Variants in CATSPERZ observed in about 807,000 individuals in gnomAD.
CATSPERZ encodes the protein catsper channel auxiliary subunit zeta.
In CATSPERZ, 21 loss-of-function variants were observed where a neutral mutation model predicts 21.7. The ratio of observed to expected loss-of-function variants is 0.97; its 90% confidence interval spans 0.69 to 1.39. The LOEUF is 1.39. Ranked by LOEUF, CATSPERZ falls within the 40% of genes most tolerant of loss-of-function variation. CATSPERZ has a pLI of 0.00. For synonymous variants in CATSPERZ, 127 were observed against 108.7 expected (o/e 1.17, Z -1.05); for missense variants, 234 against 259.5 (o/e 0.90, Z 0.68).
In CATSPERZ at chr11:64,300,957, GAGA is replaced by G. The variant is rs1387533487; in HGVS notation, c.325_327del (p.Lys109del). 3.2e-6 allele frequency: 5 copies of G among 1,573,844 alleles called. No homozygotes were observed. Among genetic ancestry groups the G allele is most frequent in the South Asian group, 2.3e-5 (2 of 85,468 alleles). On this transcript the variant is annotated inframe_deletion, in exon 2 of 5. Transcript: ENST00000328404. ...CAGCTCCATGGAAATCAATCTGGGGGAGAAGGACACTGCATCCCAGATCGAGGC... is the reference window on the plus strand; with the variant it reads ...CAGCTCCATGGAAATCAATCTGGGGGAGGACACTGCATCCCAGATCGAGGC...
Position 64,304,670 on chromosome 11 carries a change from G to C in CATSPERZ, c.*24G>C. The C allele has an allele frequency of 6.4e-7, 1 of 1,550,832 alleles. No homozygotes were observed. The highest frequency in any genetic ancestry group is 2.4e-5 in the East Asian group (1 of 41,172). Reference sequence around the variant, plus strand: ...AAAAACGCCACCTTGGGCTCGAGCAGCGACCCGAACCAGCCCCGTGCCAGC... The same window carrying C: ...AAAAACGCCACCTTGGGCTCGAGCACCGACCCGAACCAGCCCCGTGCCAGC... On this transcript the variant is annotated 3_prime_UTR_variant, in exon 5 of 5. Transcript: ENST00000328404.
At chr11:64,303,639 T>A in intron 3 of CATSPERZ, 78 bp downstream of exon 3, 2 of 967,682 alleles carry the variant, frequency 2.1e-6, no homozygotes. Flanking sequence ...ATATGAAAGT[T>A]GGGGGTGGTT....
At chr11:64,301,401 C>CTTTTTT (rs139500689) in intron 2 of CATSPERZ, among the ~76,000 whole-genome samples, 4 of 99,550 alleles carry the variant, frequency 4.0e-5, no homozygotes, top group Admixed American at 2.5e-4. Context: ...CCGCCTCCCA[C>CTTTTTT]TTTTTTTTTT....
At position 64,303,857 on chromosome 11, in the gene CATSPERZ, C is replaced by T; in HGVS notation, c.499+18C>T. On this transcript the variant is annotated intron_variant, in intron 4 of 4. Coordinates refer to ENST00000328404, the MANE Select transcript of CATSPERZ (RefSeq NM_001039496.2). The stretch of plus-strand genomic sequence containing the variant: ...CCTCCGGAGTAAGCTCCCCGCCAAC[C>T]CCCAAGAACTCCCACGACAGATTCT... 6.3e-7 allele frequency: 1 copy of T among 1,588,218 alleles called. No individual in the cohort carries two copies. Among genetic ancestry groups the T allele is most frequent in the South Asian group, 1.2e-5 (1 of 86,888 alleles).
Position 64,304,566 on chromosome 11 carries a change from G to A in CATSPERZ, c.523G>A (p.Asp175Asn). Residue 175 changes from aspartate to asparagine, a missense_variant, in exon 5 of 5, where the codon GAC (aspartate) becomes AAC (asparagine). Asp to Asn is a conservative substitution (Grantham distance 23). Coordinates refer to ENST00000328404, the MANE Select transcript of CATSPERZ (RefSeq NM_001039496.2). The part of the protein sequence containing the change: ...LRSYQLGIGR[D>N]HFLTKELQRY... ...AGGCTACCAGTTAGGGATCGGCAGG[G>A]ACCACTTCCTGACTAAGGAGCTGCA... The A allele has an allele frequency of 1.3e-6, 2 of 1,587,634 alleles. No homozygotes were observed. The highest frequency in any genetic ancestry group is 1.7e-6 in the Non-Finnish European group (2 of 1,167,926).
chr11:64,304,490 G>T, intron 4 of CATSPERZ, 53 bp from the exon 5 acceptor site: 2 of 1,424,336 alleles, frequency 1.4e-6, no homozygotes. Flanking sequence ...CCCCCTGGTG[G>T]GGAGACCTTT....
At chr11:64,302,897 TTTTTTTTTTAG>T (rs2034950083) in intron 2 of CATSPERZ, among the ~76,000 whole-genome samples, 1 of 146,468 alleles carries the variant, frequency 6.8e-6, no homozygotes, top group Admixed American at 6.9e-5. Flanking sequence ...TTTTTTTTTT[TTTTTTTTTTAG>T]TTTTTTTTTG....
At chr11:64,301,396 T>G (rs995864457) in intron 2 of CATSPERZ, among the ~76,000 whole-genome samples, 3 of 131,628 alleles carry the variant, frequency 2.3e-5, no homozygotes, top group Non-Finnish European at 4.8e-5. Context: ...TCCTCCCGCC[T>G]CCCACTTTTT....
chr11:64,303,417 T>C, intron 2 of CATSPERZ, 65 bp from the exon 3 acceptor site: 1 of 1,348,218 alleles, frequency 7.4e-7, no homozygotes, highest in South Asian at 1.3e-5. Context: ...TGCCTACCCA[T>C]CTCCTGTGCT....
Position 64,303,835 on chromosome 11 carries a change from C to T in CATSPERZ, c.495C>T (p.Leu165=). Residue 165 remains leucine, a synonymous_variant, in exon 4 of 5, where the codon CTC becomes CTT. Coordinates refer to ENST00000328404, the MANE Select transcript of CATSPERZ (RefSeq NM_001039496.2). ...CTCTGGAAATCCTCACCAAAGCCCT[C>T]CGGAGTAAGCTCCCCGCCAACCCCC... The part of the protein sequence containing the change: ...NEALEILTKA[L]RSYQLGIGRD... 1.3e-6 allele frequency: 2 copies of T among 1,594,676 alleles called. No individual in the cohort carries two copies. The highest frequency in any genetic ancestry group is 2.3e-5 in the South Asian group (2 of 87,644).
intron 2 of CATSPERZ, among the ~76,000 whole-genome samples, chr11:64,301,272 G>GT (rs1565371942): frequency 6.6e-6 from 1 of 152,182 alleles, no homozygotes. Flanking sequence ...GACCTGCGGG[G>GT]TTTTTTTGTT....
intron 1 of CATSPERZ, 107 bp downstream of exon 1, chr11:64,300,538 C>CG (rs2034904699): frequency 2.0e-6 from 3 of 1,530,860 alleles, no homozygotes; most frequent in Non-Finnish European, 2.7e-6. Flanking sequence ...CCGCAGCCCC[C>CG]ACCCAACCCC....
At position 64,304,611 on chromosome 11, in the gene CATSPERZ, A is replaced by C; in HGVS notation, c.568A>C (p.Lys190Gln). ...GCTGCAGCGATACATCGAAGGGCTC[A>C]AGAAGCGCCGGAGCAAGAGGCTGTA... ...KELQRYIEGL[K>Q]KRRSKRLYVN The change falls in exon 5 of 5, where the codon AAG (lysine) becomes CAG (glutamine). Residue 190 changes from lysine to glutamine, a missense_variant. Coordinates refer to ENST00000328404, the MANE Select transcript of CATSPERZ (RefSeq NM_001039496.2). The C allele has an allele frequency of 1.3e-6, 2 of 1,583,012 alleles. No homozygotes were observed. Among genetic ancestry groups the C allele is most frequent in the Non-Finnish European group, 1.7e-6 (2 of 1,165,456 alleles).
chr11:64,300,657 G>A lies in CATSPERZ; in HGVS notation c.22G>A (p.Val8Met), dbSNP rs972488891. MEEKPSK[V>M]SLKSSDRQGS... ...CTCCCTCCTTGTATGTGGCCCACAG[G>A]TGTCGCTCAAGTCTTCCGACCGCCA... is the stretch of plus-strand genomic sequence containing the variant. Residue 8 changes from valine to methionine, a missense_variant and splice_region_variant, in exon 2 of 5, where the codon GTG (valine) becomes ATG (methionine). Transcript: ENST00000328404. 5 of 1,532,742 alleles carry A rather than the reference G, an allele frequency of 3.3e-6. No homozygotes were observed. The highest frequency in any genetic ancestry group is 2.5e-5 in the East Asian group (1 of 40,658). 94.9% of individuals were successfully genotyped at this position (1,532,742 alleles called of 1,614,324 possible).
At chr11:64,302,886 CTTT>C (rs71045759) in intron 2 of CATSPERZ, among the ~76,000 whole-genome samples, 186 of 122,432 alleles carry the variant, frequency 1.5e-3, no homozygotes, top group Middle Eastern at 0.01. Context: ...AAGAGCTGTT[CTTT>C]TTTTTTTTTT....
At chr11:64,303,431 G>GGGAA in intron 2 of CATSPERZ, 51 bp from the exon 3 acceptor site, 6 of 1,485,800 alleles carry the variant, frequency 4.0e-6, no homozygotes, top group Non-Finnish European at 5.5e-6. Context: ...CTGTGCTCCA[G>GGGAA]GGAAGGCCCA....
intron 2 of CATSPERZ, 105 bp downstream of exon 2, chr11:64,301,092 T>A: frequency 8.8e-7 from 1 of 1,138,960 alleles, no homozygotes; most frequent in Non-Finnish European, 1.2e-6. Context: ...GGATCCAAGT[T>A]TCTAGGATTC....
intron 2 of CATSPERZ, 106 bp from the exon 3 acceptor site, chr11:64,303,376 T>TGGTCTCTG: frequency 1.2e-6 from 1 of 869,336 alleles, no homozygotes; most frequent in South Asian, 1.6e-5. Flanking sequence ...CACCAGGAGC[T>TGGTCTCTG]GGTCTCTGAA....
At chr11:64,302,320 G>A (rs969416910) in intron 2 of CATSPERZ, among the ~76,000 whole-genome samples, 4 of 151,664 alleles carry the variant, frequency 2.6e-5, no homozygotes, top group Admixed American at 6.6e-5. Flanking sequence ...TCACTCTGTC[G>A]CCCAGGCTGG....
Sources: allele counts gnomAD v4.1 joint callset (sites outside exome capture counted in the v4.1 genomes callset), GRCh38; gene constraint gnomAD v4.1.1; transcripts MANE v1.5; gene names NCBI Gene and HGNC (gene_info 2026-07-23, HGNC 2026-07-21).